Variants in SEMA7A observed in about 807,000 individuals in gnomAD.
SEMA7A encodes the protein semaphorin-7A.
In SEMA7A, 21 loss-of-function variants were observed where a neutral mutation model predicts 67.5. The observed-to-expected ratio is 0.31, with a 90% CI of 0.22 to 0.45. The LOEUF (loss-of-function observed/expected upper bound fraction) is 0.45, where lower values mean the gene tolerates loss of function less well. Among genes scored for constraint, SEMA7A ranks in the 20% least tolerant of loss-of-function variants. SEMA7A has a pLI of 1.00. For synonymous variants in SEMA7A, 364 were observed against 368.5 expected (o/e 0.99, Z 0.14); for missense variants, 774 against 908.6 (o/e 0.85, Z 1.90).
At chr15:74,412,567 T>A (rs956199593) in intron 10 of SEMA7A, among the ~76,000 whole-genome samples, 1 of 152,144 alleles carries the variant, frequency 6.6e-6, no homozygotes, top group African/African-American at 2.4e-5. Flanking sequence ...ATTTTTTTTT[T>A]ATTTTGGAGT....
chr15:74,416,436 G>T (rs771980662), intron 7 of SEMA7A, 139 bp downstream of exon 7: 3 of 879,298 alleles, frequency 3.4e-6, no homozygotes, highest in Admixed American at 5.1e-5. Context: ...TGCACACACA[G>T]CTGCTCCCAC....
rs1386872421 is a variant in SEMA7A at position 74,423,440 on chromosome 15, G to A, written c.179-4488C>T. On this transcript the variant is annotated intron_variant, in intron 1 of 13. Transcript: ENST00000261918. This position sits in a 1 kb window ranked among gnomAD's most constrained non-coding sequence, Gnocchi z 4.1. ...TGTACCACCGGCCCAAGGACACAGAGCGAGGGAAGCTCCAAGTTTCCAGTA... is the reference window on the plus strand; with the variant it reads ...TGTACCACCGGCCCAAGGACACAGAACGAGGGAAGCTCCAAGTTTCCAGTA... Among the ~76,000 whole-genome samples, 1 of 152,190 alleles carries A rather than the reference G, an allele frequency of 6.6e-6. No individual in the cohort carries two copies. The highest frequency in any genetic ancestry group is 1.5e-5 in the Non-Finnish European group (1 of 68,038).
intron 1 of SEMA7A, among the ~76,000 whole-genome samples, chr15:74,431,645 C>T (rs1382265558): frequency 6.6e-6 from 1 of 152,256 alleles, no homozygotes; most frequent in East Asian, 1.9e-4. Flanking sequence ...CCCCCTCTTA[C>T]CCTGTTCCTG....
At chr15:74,432,675 G>A (rs1321552552) in intron 1 of SEMA7A, among the ~76,000 whole-genome samples, 1 of 152,070 alleles carries the variant, frequency 6.6e-6, no homozygotes. Context: ...ACTGCCAAAG[G>A]CATCAAAAGG....
intron 6 of SEMA7A, 99 bp downstream of exon 6, chr15:74,417,236 G>A (rs925093028): frequency 6.5e-6 from 6 of 919,324 alleles, no homozygotes; most frequent in Non-Finnish European, 1.1e-5. Context: ...GGCCCCAGCG[G>A]CCCTCAGGGA....
In SEMA7A at chr15:74,411,739, C is replaced by A; in HGVS notation, c.1423-29G>T. ...GAAGGACAGCAGGATTGGGTCAGGC[C>A]CGGGCCCCACCCCACACTCAGTCCT... On this transcript the variant is annotated intron_variant, in intron 11 of 13. Coordinates refer to ENST00000261918, the MANE Select transcript of SEMA7A (RefSeq NM_003612.5). The surrounding 1 kb of genome is among the most constrained non-coding windows in gnomAD (Gnocchi z 4.4). 1 of 1,609,762 alleles carries A rather than the reference C, an allele frequency of 6.2e-7. No homozygotes were observed.
rs1003304924 is a variant in SEMA7A, at chr15:74,417,903, C to T, written c.439G>A (p.Ala147Thr). Reference protein sequence around the residue: ...SEGLLACGTNARHPSCWNLVN... With the variant: ...SEGLLACGTNTRHPSCWNLVN... ...AGGTTCCAGCAGCTGGGGTGCCGGG[C>T]GTTGGTGCCACAGGCCAGCAGCCCC... The change falls in exon 4 of 14, where the codon GCC becomes ACC. Residue 147 changes from alanine (A) to threonine (T), a missense_variant. By Grantham distance (58) the Ala-to-Thr change is moderately conservative. Around this residue, in one of 2 missense-constraint regions of SEMA7A, gnomAD observed 347 missense variants for 353.2 expected, o/e 0.98. Transcript: ENST00000261918. 8.7e-6 allele frequency: 14 copies of T among 1,613,378 alleles called. No individual in the cohort carries two copies. Among genetic ancestry groups the T allele is most frequent in the South Asian group, 5.5e-5 (5 of 91,082 alleles).
intron 1 of SEMA7A, among the ~76,000 whole-genome samples, chr15:74,424,133 A>T (rs1047374391): frequency 6.6e-6 from 1 of 152,002 alleles, no homozygotes; most frequent in Non-Finnish European, 1.5e-5. Flanking sequence ...AGTATATCTC[A>T]TGTGTGGCTC....
At chr15:74,419,903 G>A (rs550417166) in intron 1 of SEMA7A, among the ~76,000 whole-genome samples, 116 of 152,322 alleles carry the variant, frequency 7.6e-4, no homozygotes, top group African/African-American at 2.6e-3. Context: ...CTCATCTCCA[G>A]TGACACTGCT....
chr15:74,411,964 C>T lies in SEMA7A; in HGVS notation c.1343G>A (p.Ser448Asn). The change falls in exon 11 of 14, where the codon AGC becomes AAC. Residue 448 changes from serine (S) to asparagine (N), a missense_variant. Physicochemically the swap from Ser to Asn is conservative, Grantham distance 46. Coordinates refer to ENST00000261918, the MANE Select transcript of SEMA7A (RefSeq NM_003612.5). This position sits in a 1 kb window ranked among gnomAD's most constrained non-coding sequence, Gnocchi z 4.4. Reference protein sequence around the residue: ...KVVEPGEQEHSFAFNIMEIQP... With the variant: ...KVVEPGEQEHNFAFNIMEIQP... ...GATCTCCATGATGTTGAAGGCGAAG[C>T]TGTGCTCCTGCTCCCCCGGTTCCAC... 6.2e-7 allele frequency: 1 copy of T among 1,614,042 alleles called. No individual in the cohort carries two copies. The highest frequency in any genetic ancestry group is 8.5e-7 in the Non-Finnish European group (1 of 1,180,048).
intron 1 of SEMA7A, among the ~76,000 whole-genome samples, chr15:74,432,971 A>T (rs2061102390): frequency 6.6e-6 from 1 of 152,116 alleles, no homozygotes; most frequent in African/African-American, 2.4e-5. Context: ...CCTGGCCTAA[A>T]GGCTGCACCC....
intron 1 of SEMA7A, among the ~76,000 whole-genome samples, chr15:74,428,065 C>G (rs1024001733): frequency 6.6e-6 from 1 of 152,258 alleles, no homozygotes; most frequent in Non-Finnish European, 1.5e-5. Context: ...ACAGTTAAAA[C>G]CTGATTAGCC....
In SEMA7A at chr15:74,410,776, C is replaced by T; in HGVS notation, c.1849G>A (p.Glu617Lys). 1 of 1,614,170 alleles carries T rather than the reference C, an allele frequency of 6.2e-7. No individual in the cohort carries two copies. Among genetic ancestry groups the T allele is most frequent in the Non-Finnish European group, 8.5e-7 (1 of 1,180,036 alleles). ...QYGHYFCEAQ[E>K]GSYFREAQHW... is the part of the protein sequence containing the mutation. Reference sequence around the variant, plus strand: ...TGAGCCTCGCGGAAGTAGGAGCCCTCCTGGGCCTCGCAGAAGTAGTGGCCG... The same window carrying T: ...TGAGCCTCGCGGAAGTAGGAGCCCTTCTGGGCCTCGCAGAAGTAGTGGCCG... The change falls in exon 14 of 14, where the codon GAG (glutamate) becomes AAG (lysine). Residue 617 changes from glutamate (E) to lysine (K), a missense_variant. By Grantham distance (56) the Glu-to-Lys change is moderately conservative. Transcript: ENST00000261918. This position sits in a 1 kb window ranked among gnomAD's most constrained non-coding sequence, Gnocchi z 7.5.
At chr15:74,429,192 G>C (rs1228819561) in intron 1 of SEMA7A, among the ~76,000 whole-genome samples, 1 of 152,242 alleles carries the variant, frequency 6.6e-6, no homozygotes, top group Non-Finnish European at 1.5e-5. Flanking sequence ...CAAAGCAGGG[G>C]AAGTGCAGTC....
intron 1 of SEMA7A, among the ~76,000 whole-genome samples, chr15:74,425,834 T>C (rs771648387): frequency 6.6e-5 from 10 of 152,194 alleles, no homozygotes; most frequent in Non-Finnish European, 1.2e-4. Context: ...CCCTGTGGGA[T>C]GGCTACATAC....
rs1157748575 is a variant in SEMA7A at position 74,409,947 on chromosome 15, C to T, written c.*677G>A. ...CCCAGCCCCTCCCTTTCCCACCCAC[C>T]CCCCCGCATGTAGTTTTGGTATTTT... On this transcript the variant is annotated 3_prime_UTR_variant, in exon 14 of 14. Transcript: ENST00000261918. The T allele has an allele frequency of 7.1e-6, 1 of 140,068 alleles. No individual in the cohort carries two copies. Among genetic ancestry groups the T allele is most frequent in the Non-Finnish European group, 1.6e-5 (1 of 63,982 alleles). 8.7% of individuals were successfully genotyped at this position (140,068 alleles called of 1,614,324 possible). A position where few individuals can be genotyped will look rare whatever the true frequency, so the allele number is the denominator to read the frequency against.
chr15:74,418,045 A>C (rs1210863891), intron 3 of SEMA7A, 76 bp from the exon 4 acceptor site: 2 of 1,506,664 alleles, frequency 1.3e-6, no homozygotes, highest in Admixed American at 3.4e-5. Context: ...TAGGACCCCC[A>C]GGATCAGGGA....
At chr15:74,430,864 C>A (rs895914382) in intron 1 of SEMA7A, among the ~76,000 whole-genome samples, 1 of 152,206 alleles carries the variant, frequency 6.6e-6, no homozygotes, top group Non-Finnish European at 1.5e-5. Flanking sequence ...TGGGGAGCAG[C>A]CCCAGAATGG....
chr15:74,414,450 C>T lies in SEMA7A; in HGVS notation c.1294+97G>A, dbSNP rs533213799. ...TCCAGTCACTCAATTATTCCTTCCA[C>T]ATGTAAAGATCCAACCAGATGTTAA... On this transcript the variant is annotated intron_variant, in intron 10 of 13. Transcript: ENST00000261918. The surrounding 1 kb of genome is among the most constrained non-coding windows in gnomAD (Gnocchi z 4.1). 2,287 of 1,218,710 alleles carry T rather than the reference C, an allele frequency of 1.9e-3. 1 individual carries two copies. Among genetic ancestry groups the T allele is most frequent in the Non-Finnish European group, 2.4e-3 (2,052 of 840,656 alleles). 75.5% of individuals were successfully genotyped at this position (1,218,710 alleles called of 1,614,324 possible).
Sources: allele counts gnomAD v4.1 joint callset (sites outside exome capture counted in the v4.1 genomes callset), GRCh38; gene constraint gnomAD v4.1.1; regional missense constraint gnomAD v4.1.1; non-coding constraint Gnocchi (gnomAD v3.1); transcripts MANE v1.5; gene names NCBI Gene and HGNC (gene_info 2026-07-23, HGNC 2026-07-21).